The following RPGRIP1 variants were observed in gnomAD, a reference collection of about 807,000 sequenced individuals.
The protein encoded by RPGRIP1 is X-linked retinitis pigmentosa GTPase regulator-interacting protein 1.
In RPGRIP1, 128 loss-of-function variants were observed where a neutral mutation model predicts 157.9. The ratio of observed to expected loss-of-function variants is 0.81; its 90% CI spans 0.70 to 0.94. The LOEUF is 0.94. Among genes scored for constraint, RPGRIP1 ranks in the 40% least tolerant of loss-of-function variants. The pLI is 0.00. For missense variants in RPGRIP1, 1,486 were observed against 1,545.8 expected, an observed-to-expected ratio of 0.96 and a Z score of 0.65; for synonymous variants, 554 against 571.6, an observed-to-expected ratio of 0.97 and a Z score of 0.44.
chr14:21,335,887 C>G (rs900957382), intron 21 of RPGRIP1, among the ~76,000 whole-genome samples: 6 of 152,196 alleles, frequency 3.9e-5, no homozygotes, highest in African/African-American at 1.4e-4. Flanking sequence ...GTGGGTTACA[C>G]ATGAGGTAGA....
intron 20 of RPGRIP1, among the ~76,000 whole-genome samples, chr14:21,333,910 C>CCATTTG (rs1445576738): frequency 6.6e-6 from 1 of 150,548 alleles, no homozygotes; most frequent in Non-Finnish European, 1.5e-5. Flanking sequence ...ATAGGAGAGA[C>CCATTTG]CATTTGAGGC....
chr14:21,348,664 T>A (rs1885811929), intron 24 of RPGRIP1, among the ~76,000 whole-genome samples: 1 of 1,872 alleles, frequency 5.3e-4, no homozygotes, highest in African/African-American at 2.5e-3. Context: ...GCATCCAGTC[T>A]TTTTTTTTTT....
intron 1 of RPGRIP1, among the ~76,000 whole-genome samples, chr14:21,281,013 TGGGCTTTTCTTTTTTTTTTTTTTGA>T (rs1230823565): frequency 2.0e-5 from 3 of 151,762 alleles, no homozygotes; most frequent in Non-Finnish European, 4.4e-5. Context: ...ATGGCTACCT[TGGGCTTTTCTTTTTTTTTTTTTTGA>T]GACAGAATCT....
chr14:21,325,987 A>G lies in RPGRIP1; in HGVS notation c.2524A>G (p.Ser842Gly). The G allele has an allele frequency of 6.2e-7, 1 of 1,613,996 alleles. No homozygotes were observed. Among genetic ancestry groups the G allele is most frequent in the Non-Finnish European group, 8.5e-7 (1 of 1,179,884 alleles). ...CCATGACACTGCCATCATTCCAGCC[A>G]GTAACAACCCCTACTTTAGAGACCA... Reference protein sequence around the residue: ...SDHDTAIIPASNNPYFRDQAR... With the variant: ...SDHDTAIIPAGNNPYFRDQAR... The change falls in exon 17 of 25, where the codon AGT becomes GGT. Residue 842 changes from serine (S) to glycine (G), a missense_variant. Ser to Gly is a moderately conservative substitution (Grantham distance 56). Coordinates refer to ENST00000400017, the MANE Select transcript of RPGRIP1 (RefSeq NM_020366.4).
intron 24 of RPGRIP1, among the ~76,000 whole-genome samples, chr14:21,348,663 CTTTT>C (rs10561385): frequency 1.6e-4 from 13 of 82,380 alleles, no homozygotes; most frequent in South Asian, 1.3e-3. Context: ...TGCATCCAGT[CTTTT>C]TTTTTTTTTT....
chr14:21,325,130 C>T (rs1882934155), intron 15 of RPGRIP1, 60 bp downstream of exon 15: 1 of 1,544,176 alleles, frequency 6.5e-7, no homozygotes, highest in Non-Finnish European at 8.7e-7. Flanking sequence ...CCAAAGCCTA[C>T]AGTTGCTTTT....
At chr14:21,295,486 T>A (rs79761020) in intron 3 of RPGRIP1, among the ~76,000 whole-genome samples, 2 of 33,878 alleles carry the variant, frequency 5.9e-5, no homozygotes, top group Non-Finnish European at 1.4e-4. Flanking sequence ...AGATTTTTTT[T>A]TTTTTTTTTT....
intron 10 of RPGRIP1, among the ~76,000 whole-genome samples, chr14:21,315,877 C>A (rs536487673): frequency 2.2e-4 from 33 of 151,270 alleles, no homozygotes; most frequent in African/African-American, 7.8e-4. Context: ...TGGCTCACTG[C>A]AACCTCTGCC....
chr14:21,287,071 A>G (rs1369338658), intron 1 of RPGRIP1, among the ~76,000 whole-genome samples: 15 of 150,744 alleles, frequency 1.0e-4, no homozygotes, highest in African/African-American at 3.7e-4. Context: ...AAGGAAGGAA[A>G]GAAAAGAAAA....
chr14:21,297,129 T>C (rs753933293), intron 3 of RPGRIP1, among the ~76,000 whole-genome samples: 6 of 152,116 alleles, frequency 3.9e-5, no homozygotes, highest in African/African-American at 1.2e-4. Flanking sequence ...AGTCCTGCTG[T>C]GTCACTCAGG....
chr14:21,330,329 G>A lies in RPGRIP1; in HGVS notation c.3180G>A (p.Glu1060=), dbSNP rs765130101. 3.2e-6 allele frequency: 5 copies of A among 1,581,988 alleles called. No individual in the cohort carries two copies. In the East Asian group the frequency reaches 7.2e-5, roughly 23 times the overall value. Residue 1060 remains glutamate, a synonymous_variant, in exon 20 of 25, where the codon GAG becomes GAA. Coordinates refer to ENST00000400017, the MANE Select transcript of RPGRIP1 (RefSeq NM_020366.4). The part of the protein sequence containing the change: ...GDGFKNQHEE[E]EMTLSHSALK... ...GCTTTAAAAATCAGCACGAGGAAGA[G>A]GAAATGACATTATCCCATTCAGCAC...
intron 2 of RPGRIP1, 91 bp from the exon 3 acceptor site, chr14:21,294,586 A>T: frequency 7.8e-7 from 1 of 1,286,502 alleles, no homozygotes; most frequent in Non-Finnish European, 1.1e-6. Context: ...AGATAGATTT[A>T]TGCTCTCTGG....
At chr14:21,302,400 A>G in intron 4 of RPGRIP1, 88 bp from the exon 5 acceptor site, 1 of 642,302 alleles carries the variant, frequency 1.6e-6, no homozygotes, top group East Asian at 3.1e-5. Flanking sequence ...TCAAGACTCT[A>G]TGCCCAGCCC....
intron 13 of RPGRIP1, chr14:21,321,628 G>A (rs754993940): frequency 1.9e-6 from 2 of 1,070,012 alleles, no homozygotes; most frequent in Middle Eastern, 3.1e-4. Context: ...CCAATGGCAA[G>A]CGTAAGGCTT....
chr14:21,350,068 C>T (rs759998232), intron 24 of RPGRIP1, among the ~76,000 whole-genome samples: 1 of 152,052 alleles, frequency 6.6e-6, no homozygotes, highest in Non-Finnish European at 1.5e-5. Flanking sequence ...CAAACCAAAA[C>T]TGTGGGAAAG....
intron 5 of RPGRIP1, 125 bp downstream of exon 5, chr14:21,302,709 G>A (rs919750277): frequency 2.7e-5 from 15 of 546,712 alleles, no homozygotes; most frequent in African/African-American, 3.8e-5. Flanking sequence ...GATGAAAGTC[G>A]ACCCTAGGTC....
At chr14:21,322,502 A>G (rs190231090) in intron 14 of RPGRIP1, among the ~76,000 whole-genome samples, 7 of 151,936 alleles carry the variant, frequency 4.6e-5, no homozygotes, top group African/African-American at 9.7e-5. Context: ...CTTTCCCTCC[A>G]TCATGTTTTT....
At chr14:21,295,642 C>T (rs1594168030) in intron 3 of RPGRIP1, among the ~76,000 whole-genome samples, 2 of 151,748 alleles carry the variant, frequency 1.3e-5, no homozygotes, top group East Asian at 3.9e-4. Context: ...CGCCACCACA[C>T]TCAGCTAATT....
rs543943744 is a variant in RPGRIP1, at chr14:21,322,893, C to T, written c.1762+889C>T. Among the ~76,000 whole-genome samples, 4 of 152,300 alleles carry T rather than the reference C, an allele frequency of 2.6e-5. No individual in the cohort carries two copies. In the East Asian group the frequency reaches 7.7e-4, roughly 29 times the overall value. On this transcript the variant is annotated intron_variant, in intron 14 of 24. Coordinates refer to ENST00000400017, the MANE Select transcript of RPGRIP1 (RefSeq NM_020366.4). ...TTAGTGTAGTCACTGCTGACCAGAGCCTGGTCTCAGGCTTGTTTGTCAAGA... is the reference window on the plus strand; with the variant it reads ...TTAGTGTAGTCACTGCTGACCAGAGTCTGGTCTCAGGCTTGTTTGTCAAGA...
Sources: allele counts gnomAD v4.1 joint callset (sites outside exome capture counted in the v4.1 genomes callset), GRCh38; gene constraint gnomAD v4.1.1; transcripts MANE v1.5; gene names NCBI Gene and HGNC (gene_info 2026-07-23, HGNC 2026-07-21).